Variants in PTPN4 observed in about 807,000 individuals in gnomAD.
PTPN4 encodes protein tyrosine phosphatase non-receptor type 4, also known as tyrosine-protein phosphatase non-receptor type 4.
Under a neutral mutation model 135.5 loss-of-function variants are expected in PTPN4, and 49 were observed. That is an observed-to-expected ratio of 0.36 (90% confidence interval 0.29 to 0.46). The LOEUF is 0.46. Ranked by LOEUF, PTPN4 falls within the 20% of genes least tolerant of loss-of-function variation. The probability of loss-of-function intolerance (pLI) is 1.00; values close to 1 mark genes in which losing one functional copy is unlikely to be tolerated. For missense variants in PTPN4, 860 were observed against 1,101.0 expected (o/e 0.78, Z 3.10); for synonymous variants, 333 against 369.9 (o/e 0.90, Z 1.14).
chr2:119,776,607 A>G (rs6755785), intron 1 of PTPN4, among the ~76,000 whole-genome samples: 3,850 of 152,204 alleles, frequency 0.025, 166 homozygotes, highest in African/African-American at 0.087. Context: ...TATCTCTGCC[A>G]CCCAGAAACA....
At chr2:119,882,751 C>A in intron 8 of PTPN4, 128 bp downstream of exon 8, 2 of 828,010 alleles carry the variant, frequency 2.4e-6, no homozygotes, top group Non-Finnish European at 3.5e-6. Flanking sequence ...ATAATATTAT[C>A]ATAAAGAAAT....
intron 15 of PTPN4, among the ~76,000 whole-genome samples, chr2:119,936,147 C>T (rs1057272459): frequency 2.0e-5 from 3 of 152,034 alleles, no homozygotes; most frequent in Admixed American, 6.6e-5. Flanking sequence ...AGACTACAGG[C>T]GCCAGCCACC....
chr2:119,788,464 T>C (rs1691083718), intron 1 of PTPN4, among the ~76,000 whole-genome samples: 4 of 152,270 alleles, frequency 2.6e-5, no homozygotes, highest in African/African-American at 7.2e-5. Flanking sequence ...TTTACTAAAA[T>C]TTACCATCTT....
At chr2:119,806,546 A>T (rs1275400637) in intron 1 of PTPN4, among the ~76,000 whole-genome samples, 1 of 152,190 alleles carries the variant, frequency 6.6e-6, no homozygotes, top group African/African-American at 2.4e-5. Context: ...ATATATATGC[A>T]CCCAATACAG....
intron 3 of PTPN4, among the ~76,000 whole-genome samples, chr2:119,869,532 C>G (rs778233774): frequency 1.1e-4 from 16 of 152,150 alleles, no homozygotes; most frequent in Admixed American, 4.6e-4. Context: ...TTTCTGAGTT[C>G]TCCTTTTCAG....
At chr2:119,804,603 G>A (rs536079550) in intron 1 of PTPN4, among the ~76,000 whole-genome samples, 2 of 152,208 alleles carry the variant, frequency 1.3e-5, no homozygotes, top group East Asian at 1.9e-4. Flanking sequence ...TGCAAAGGAC[G>A]TGAACTCATC....
chr2:119,952,176 G>C, intron 19 of PTPN4, 47 bp downstream of exon 19: 1 of 1,500,360 alleles, frequency 6.7e-7, no homozygotes, highest in South Asian at 1.2e-5. Flanking sequence ...ATTTATTACT[G>C]TTCATTACTG....
At chr2:119,959,955 A>G (rs1022626266) in intron 22 of PTPN4, among the ~76,000 whole-genome samples, 1 of 152,204 alleles carries the variant, frequency 6.6e-6, no homozygotes, top group Non-Finnish European at 1.5e-5. Flanking sequence ...ATCAAACATC[A>G]TCTTGAAGAT....
chr2:119,863,891 G>T (rs890110311), intron 3 of PTPN4, among the ~76,000 whole-genome samples: 10 of 152,212 alleles, frequency 6.6e-5, no homozygotes, highest in African/African-American at 2.4e-4. Context: ...ATAAACCCAT[G>T]TAAAAATGGA....
At chr2:119,939,278 T>G (rs1245729269) in intron 15 of PTPN4, among the ~76,000 whole-genome samples, 1 of 152,214 alleles carries the variant, frequency 6.6e-6, no homozygotes, top group East Asian at 1.9e-4. Context: ...CTAGACAGAC[T>G]TCATAATCCA....
intron 1 of PTPN4, among the ~76,000 whole-genome samples, chr2:119,780,159 T>A (rs143464567): frequency 1.2e-3 from 177 of 152,358 alleles, no homozygotes; most frequent in African/African-American, 4.0e-3. Context: ...TTGCATAGAT[T>A]CATTAATTGA....
At chr2:119,965,689 A>G (rs374602888) in intron 25 of PTPN4, 44 bp downstream of exon 25, 87 of 1,560,312 alleles carry the variant, frequency 5.6e-5, no homozygotes, top group Non-Finnish European at 7.3e-5. Context: ...CTGAACAGAT[A>G]CGTCATTTTT....
At chr2:119,952,732 A>G (rs546516275) in intron 19 of PTPN4, among the ~76,000 whole-genome samples, 1 of 152,298 alleles carries the variant, frequency 6.6e-6, no homozygotes, top group Admixed American at 6.5e-5. Context: ...TGGACAGCTG[A>G]CTTGTTAATT....
intron 3 of PTPN4, among the ~76,000 whole-genome samples, chr2:119,864,215 T>C (rs1677800097): frequency 6.6e-6 from 1 of 152,142 alleles, no homozygotes; most frequent in Non-Finnish European, 1.5e-5. Context: ...TATAACATTT[T>C]ATGGCTACTT....
At chr2:119,810,341 T>C (rs1406643026) in intron 2 of PTPN4, among the ~76,000 whole-genome samples, 1 of 152,324 alleles carries the variant, frequency 6.6e-6, no homozygotes, top group Admixed American at 6.5e-5. Context: ...GTACTGTCTG[T>C]GAGTAAAATT....
intron 2 of PTPN4, among the ~76,000 whole-genome samples, chr2:119,857,422 T>C (rs1677697591): frequency 6.6e-6 from 1 of 151,562 alleles, no homozygotes; most frequent in African/African-American, 2.4e-5. Flanking sequence ...TAATCCCAGC[T>C]ACTGGGGAGG....
rs989532241 is a variant in PTPN4, at chr2:119,940,057, G to A, written c.1356-5024G>A. Among the ~76,000 whole-genome samples the A allele has an allele frequency of 2.6e-5, 4 of 152,166 alleles. No individual in the cohort carries two copies. In the East Asian group the frequency reaches 7.7e-4, roughly 29 times the overall value. On this transcript the variant is annotated intron_variant, in intron 15 of 26. Transcript: ENST00000263708. ...TAAAGGCTCTGTCACTTGCACTTGG[G>A]AGCTAAGGGCAGACACCTTGAGTTT...
At position 119,976,809 on chromosome 2, in the gene PTPN4, CA is replaced by C. The variant is rs369941130; in HGVS notation, c.2695-172del. On this transcript the variant is annotated intron_variant, in intron 26 of 26. Coordinates refer to ENST00000263708, the MANE Select transcript of PTPN4 (RefSeq NM_002830.4). ...GAGTTTTGCCAACAAAATATATTGCCAAACTGTATTTTTTAACCAGTCTAGA... is the reference window on the plus strand; with the variant it reads ...GAGTTTTGCCAACAAAATATATTGCCAACTGTATTTTTTAACCAGTCTAGA... The C allele has an allele frequency of 7.2e-5, 85 of 1,183,162 alleles. No homozygotes were observed. In the African/African-American group the frequency reaches 1.3e-3, roughly 18 times the overall value. The allele number at this position is 1,183,162 out of a possible 1,614,324, so 73.3% of individuals were successfully genotyped here.
chr2:119,766,482 G>C lies in PTPN4; in HGVS notation c.-18+6098G>C, dbSNP rs370145572. ...TGTGTGTGTGTGTGTGTGTGTGTGTGTCTGTGTGTGTGTGTGTGTGTGTGT... is the reference window on the plus strand; with the variant it reads ...TGTGTGTGTGTGTGTGTGTGTGTGTCTCTGTGTGTGTGTGTGTGTGTGTGT... On this transcript the variant is annotated intron_variant, in intron 1 of 26. Transcript: ENST00000263708. Among the ~76,000 whole-genome samples the C allele has an allele frequency of 8.7e-3, 1,027 of 118,294 alleles. 4 individuals carry two copies. Among genetic ancestry groups the C allele is most frequent in the East Asian group, 0.011 (52 of 4,692 alleles). The allele number at this position is 118,294 out of a possible 152,430, so 77.6% of individuals were successfully genotyped here.
Sources: allele counts gnomAD v4.1 joint callset (sites outside exome capture counted in the v4.1 genomes callset), GRCh38; gene constraint gnomAD v4.1.1; transcripts MANE v1.5; gene names NCBI Gene and HGNC (gene_info 2026-07-23, HGNC 2026-07-21).